Variants in ST6GALNAC4 observed in about 807,000 individuals in gnomAD.
The protein encoded by ST6GALNAC4 is ST6 N-acetylgalactosaminide alpha-2,6-sialyltransferase 4, also known as alpha-N-acetyl-neuraminyl-2,3-beta-galactosyl-1,3-N-acetyl-galactosaminide alpha-2,6-sialyltransferase.
A neutral mutation model predicts 30.4 loss-of-function variants in ST6GALNAC4; 24 were observed. That is an observed-to-expected ratio of 0.79 (90% CI 0.57 to 1.11). The LOEUF is 1.11. Among genes scored for constraint, ST6GALNAC4 ranks in the 50% most tolerant of loss-of-function variants. The probability of loss-of-function intolerance (pLI) is 0.00; values close to 1 mark genes in which losing one functional copy is unlikely to be tolerated. For missense variants in ST6GALNAC4, 365 were observed against 430.1 expected, an observed-to-expected ratio of 0.85 and a Z score of 1.34; for synonymous variants, 156 against 179.7, an observed-to-expected ratio of 0.87 and a Z score of 1.05.
rs902547459 is a variant in ST6GALNAC4 at position 127,907,910 on chromosome 9, A to G, written c.*482T>C. ...ATCCAGAAAACACACGTTTACCCGT[A>G]CGTTCCTGATACGGCCCCGGCAGTC... On this transcript the variant is annotated 3_prime_UTR_variant, in exon 6 of 6. Transcript: ENST00000335791. 6.6e-6 allele frequency: 1 copy of G among 152,608 alleles called. No individual in the cohort carries two copies. The highest frequency in any genetic ancestry group is 2.4e-5 in the African/African-American group (1 of 41,566). 9.5% of individuals were successfully genotyped at this position (152,608 alleles called of 1,614,324 possible).
chr9:127,910,153 C>A, intron 4 of ST6GALNAC4, 95 bp from the exon 5 acceptor site: 2 of 1,492,096 alleles, frequency 1.3e-6, no homozygotes, highest in Non-Finnish European at 1.8e-6. Context: ...CAGCCCGGGG[C>A]TATGCACCTC....
Position 127,909,950 on chromosome 9 carries a change from C to A in ST6GALNAC4, c.719+1G>T, listed in dbSNP as rs774161899. The A allele has an allele frequency of 1.2e-6, 2 of 1,613,206 alleles. No homozygotes were observed. The highest frequency in any genetic ancestry group is 1.7e-5 in the Admixed American group (1 of 59,990). On this transcript the variant is annotated splice_donor_variant, in intron 5 of 5. Transcript: ENST00000335791. LOFTEE classifies it high-confidence loss of function. ...CGCGTGCCCGGCCTGGCCGGTCTGA[C>A]CTGCAGTAGCTGTCGCTGACCATCC...
intron 4 of ST6GALNAC4, among the ~76,000 whole-genome samples, chr9:127,911,255 C>T (rs931274008): frequency 8.5e-5 from 13 of 152,134 alleles, no homozygotes; most frequent in African/African-American, 2.7e-4. Flanking sequence ...GGCCATTGTA[C>T]GTGGCAGATG....
chr9:127,913,376 G>A (rs1343556308), intron 3 of ST6GALNAC4, among the ~76,000 whole-genome samples: 1 of 152,078 alleles, frequency 6.6e-6, no homozygotes, highest in African/African-American at 2.4e-5. Flanking sequence ...CCTGAGGTCA[G>A]GAGTTCGAGA....
At chr9:127,910,086 G>A (rs373828601) in intron 4 of ST6GALNAC4, 28 bp from the exon 5 acceptor site, 23 of 1,609,064 alleles carry the variant, frequency 1.4e-5, no homozygotes, top group African/African-American at 4.0e-5. Flanking sequence ...ACAGGGGGAC[G>A]CTGTCAACAA....
chr9:127,914,626 C>T (rs1438255448), intron 3 of ST6GALNAC4, 30 bp downstream of exon 3: 2 of 1,567,626 alleles, frequency 1.3e-6, no homozygotes, highest in South Asian at 1.2e-5. Context: ...TCTCACTACC[C>T]ACCCCGGATG....
chr9:127,914,680 T>A lies in ST6GALNAC4; in HGVS notation c.174A>T (p.Gly58=), dbSNP rs749370602. The A allele has an allele frequency of 1.9e-5, 31 of 1,612,668 alleles. No homozygotes were observed. In the African/African-American group the frequency reaches 3.9e-4, roughly 20 times the overall value. The change falls in exon 3 of 6, where the codon GGA becomes GGT. Residue 58 remains glycine (G), a synonymous_variant. Transcript: ENST00000335791. ...PTVPGPLHFS[G]YSSVPDGKPL... ...CCTTCCCATCTGGCACACTGCTATA[T>A]CCACTGAAGTGCAGGGGTCCCGGCA...
intron 3 of ST6GALNAC4, 51 bp downstream of exon 3, chr9:127,914,605 A>C (rs1831153003): frequency 6.9e-7 from 1 of 1,449,542 alleles, no homozygotes; most frequent in African/African-American, 1.5e-5. Flanking sequence ...CCGGTTTGGG[A>C]CAAGCCCAGC....
chr9:127,916,366 G>C (rs1427825171), intron 2 of ST6GALNAC4, 42 bp downstream of exon 2: 1 of 1,613,984 alleles, frequency 6.2e-7, no homozygotes. Flanking sequence ...CCGCCAGTCG[G>C]GGCCTCTGCG....
intron 4 of ST6GALNAC4, chr9:127,910,524 C>A (rs1831053165): frequency 2.0e-6 from 2 of 998,492 alleles, no homozygotes; most frequent in Non-Finnish European, 2.4e-6. Context: ...AGCCTCATGA[C>A]CAGTCTGTGA....
chr9:127,911,007 A>C (rs912807851), intron 4 of ST6GALNAC4, among the ~76,000 whole-genome samples: 50 of 152,154 alleles, frequency 3.3e-4, no homozygotes, highest in African/African-American at 1.2e-3. Context: ...CTGAGTAACA[A>C]GAGGAGCCTG....
chr9:127,914,858 C>T lies in ST6GALNAC4; in HGVS notation c.13-17G>A. The T allele has an allele frequency of 1.1e-5, 16 of 1,458,262 alleles. No individual in the cohort carries two copies. Among genetic ancestry groups the T allele is most frequent in the Non-Finnish European group, 1.5e-5 (16 of 1,098,570 alleles). 90.3% of individuals were successfully genotyped at this position (1,458,262 alleles called of 1,614,324 possible). On this transcript the variant is annotated splice_polypyrimidine_tract_variant and intron_variant, in intron 2 of 5. Transcript: ENST00000335791. ...GAGCCGACCCTGAGGGAGACAGTGG[C>T]CATGGGGGGGTGTATGTGGGGAGGG...
chr9:127,914,738 TCCAGGCAGGTGG>T lies in ST6GALNAC4; in HGVS notation c.104_115del (p.Ala35_Leu38del), dbSNP rs773366417. On this transcript the variant is annotated inframe_deletion, in exon 3 of 6. Coordinates refer to ENST00000335791, the MANE Select transcript of ST6GALNAC4 (RefSeq NM_175039.4). ...CCTGGAGCCTGTGGGGAAGTGGTGG[TCCAGGCAGGTGG>T]CCAGGCAGAGGGGCAGGCCGGCCCA... is the stretch of plus-strand genomic sequence containing the variant. 5.0e-6 allele frequency: 8 copies of T among 1,609,374 alleles called. No individual in the cohort carries two copies. Among genetic ancestry groups the T allele is most frequent in the South Asian group, 4.4e-5 (4 of 90,534 alleles).
intron 4 of ST6GALNAC4, among the ~76,000 whole-genome samples, chr9:127,911,727 C>T (rs1831077819): frequency 6.6e-6 from 1 of 152,156 alleles, no homozygotes; most frequent in African/African-American, 2.4e-5. Context: ...CCTCGTGATC[C>T]TTCCACCTTG....
Position 127,916,468 on chromosome 9 carries a change from G to A in ST6GALNAC4, c.-49C>T. 1 of 1,613,386 alleles carries A rather than the reference G, an allele frequency of 6.2e-7. No homozygotes were observed. The highest frequency in any genetic ancestry group is 8.5e-7 in the Non-Finnish European group (1 of 1,179,466). On this transcript the variant is annotated 5_prime_UTR_variant, in exon 2 of 6. Coordinates refer to ENST00000335791, the MANE Select transcript of ST6GALNAC4 (RefSeq NM_175039.4). ...TAGGGGCTGCTGTCTCCAGGGCTGG[G>A]GCTGGGAAGGGGTGGGAGCCGGGCA... is the stretch of plus-strand genomic sequence containing the variant.
chr9:127,910,739 A>G (rs768030444), intron 4 of ST6GALNAC4, among the ~76,000 whole-genome samples: 4 of 152,180 alleles, frequency 2.6e-5, no homozygotes, highest in Admixed American at 6.5e-5. Flanking sequence ...TCATTCATTC[A>G]AACTGAGCCC....
At chr9:127,916,179 C>T (rs950980193) in intron 2 of ST6GALNAC4, 1 of 603,208 alleles carries the variant, frequency 1.7e-6, no homozygotes, top group African/African-American at 1.9e-5. Context: ...CGTAGCGTTA[C>T]CTCCGTTTTA....
At chr9:127,908,659 C>A in intron 5 of ST6GALNAC4, 78 bp from the exon 6 acceptor site, 1 of 1,370,614 alleles carries the variant, frequency 7.3e-7, no homozygotes, top group Non-Finnish European at 9.7e-7. Context: ...ACCTTGACCA[C>A]CCCTCGCCAG....
chr9:127,912,123 C>T, intron 4 of ST6GALNAC4, 145 bp downstream of exon 4: 1 of 1,010,920 alleles, frequency 9.9e-7, no homozygotes, highest in Non-Finnish European at 1.4e-6. Context: ...TGCCTCCTGC[C>T]CCCCATTAGA....
Sources: allele counts gnomAD v4.1 joint callset (sites outside exome capture counted in the v4.1 genomes callset), GRCh38; gene constraint gnomAD v4.1.1; transcripts MANE v1.5; gene names NCBI Gene and HGNC (gene_info 2026-07-23, HGNC 2026-07-21).